WDR86: variants seen among roughly 807,000 people sequenced by gnomAD.
The protein encoded by WDR86 is WD repeat domain 86, also known as WD repeat-containing protein 86.
A neutral mutation model predicts 36.5 loss-of-function variants in WDR86; 30 were observed. The observed-to-expected ratio is 0.82, with a 90% CI of 0.61 to 1.11. The LOEUF is 1.11. Among genes scored for constraint, WDR86 ranks in the 50% most tolerant of loss-of-function variants. WDR86 has a pLI of 0.00. For missense variants in WDR86, 545 were observed against 561.2 expected, an observed-to-expected ratio of 0.97 and a Z score of 0.29; for synonymous variants, 255 against 252.9, an observed-to-expected ratio of 1.01 and a Z score of -0.08.
intron 2 of WDR86, among the ~76,000 whole-genome samples, chr7:151,397,753 T>C (rs1259647352): frequency 1.0e-5 from 1 of 98,668 alleles, no homozygotes; most frequent in Admixed American, 1.0e-4. Context: ...GAAGAGGGTG[T>C]AGCGGGAGGA....
intron 2 of WDR86, among the ~76,000 whole-genome samples, chr7:151,396,958 C>G (rs1277646489): frequency 6.6e-6 from 1 of 152,238 alleles, no homozygotes; most frequent in Non-Finnish European, 1.5e-5. Context: ...CCAAGGCCCC[C>G]ACATTGTATT....
chr7:151,391,854 C>T (rs561919273), intron 3 of WDR86, among the ~76,000 whole-genome samples: 102 of 116,350 alleles, frequency 8.8e-4, no homozygotes, highest in African/African-American at 2.7e-3. Flanking sequence ...CCCGCCCCTC[C>T]CACGCACCGT....
At chr7:151,381,019 G>A (rs1798524361), downstream of WDR86, 1 of 531,454 alleles carries the variant, frequency 1.9e-6, no homozygotes, top group Admixed American at 5.4e-5. This position sits in a 1 kb window ranked among gnomAD's most constrained non-coding sequence, Gnocchi z 4.8. Flanking sequence ...GGCCGGTTGT[G>A]AGAGGCAGAG....
At chr7:151,376,961 G>C (rs916667203), downstream of WDR86, 87 of 1,406,616 alleles carry the variant, frequency 6.2e-5, no homozygotes, top group Admixed American at 1.8e-4. Context: ...CCAGCAAGAG[G>C]CACAGTCTGA....
downstream of WDR86, among the ~76,000 whole-genome samples, chr7:151,380,761 C>A (rs1205663885): frequency 6.6e-6 from 1 of 151,934 alleles, no homozygotes; most frequent in African/African-American, 2.4e-5. Context: ...TGTGCACGAG[C>A]CCGGGGTGGG....
At chr7:151,382,773 G>A (rs559427920) in intron 4 of WDR86, among the ~76,000 whole-genome samples, 11 of 152,260 alleles carry the variant, frequency 7.2e-5, no homozygotes, top group Admixed American at 5.2e-4. Context: ...CCTGGCAGGC[G>A]TCCCAGGAAA....
At chr7:151,374,339 C>A, downstream of WDR86, 1 of 1,421,024 alleles carries the variant, frequency 7.0e-7, no homozygotes, top group Non-Finnish European at 9.6e-7. Context: ...CGGGCTCACT[C>A]CTATGGGCTG....
At chr7:151,396,858 C>T (rs1227703447) in intron 2 of WDR86, among the ~76,000 whole-genome samples, 1 of 152,238 alleles carries the variant, frequency 6.6e-6, no homozygotes, top group Non-Finnish European at 1.5e-5. Flanking sequence ...AGGTCACAGC[C>T]TCAACAGGGT....
rs745848520 is a variant in WDR86 at position 151,409,511 on chromosome 7, C to A, written c.79G>T (p.Gly27Trp). ...TCGCTGCCCGTCAGCAGGCGCTGCCCGTCGGGGCTCAGGCTCAGCCAGTTG... is the reference window on the plus strand; with the variant it reads ...TCGCTGCCCGTCAGCAGGCGCTGCCAGTCGGGGCTCAGGCTCAGCCAGTTG... ...GINWLSLSPDGQRLLTGSEDG... is the reference protein window; with the variant it reads ...GINWLSLSPDWQRLLTGSEDG... Residue 27 changes from glycine (G) to tryptophan (W), a missense_variant, in exon 1 of 6, where the codon GGG becomes TGG. Coordinates refer to ENST00000334493, the MANE Select transcript of WDR86 (RefSeq NM_198285.3). The surrounding 1 kb of genome is among the most constrained non-coding windows in gnomAD (Gnocchi z 5.2). 6.5e-7 allele frequency: 1 copy of A among 1,532,160 alleles called. No homozygotes were observed. Among genetic ancestry groups the A allele is most frequent in the Non-Finnish European group, 8.7e-7 (1 of 1,145,394 alleles). The allele number at this position is 1,532,160 out of a possible 1,614,324, so 94.9% of individuals were successfully genotyped here. A position where few individuals can be genotyped will look rare whatever the true frequency, so the allele number is the denominator to read the frequency against.
At position 151,395,756 on chromosome 7, in the gene WDR86, G is replaced by A. The variant is rs939630908; in HGVS notation, c.726+20C>T. Reference sequence around the variant, plus strand: ...ACCTGGGCTCCCCTGGCTGCTGGGCGGGGACCAGGACAGTCTCACCTCCAG... The same window carrying A: ...ACCTGGGCTCCCCTGGCTGCTGGGCAGGGACCAGGACAGTCTCACCTCCAG... On this transcript the variant is annotated intron_variant, in intron 3 of 5. Transcript: ENST00000334493. The A allele has an allele frequency of 8.5e-6, 13 of 1,532,352 alleles. No individual in the cohort carries two copies. Among genetic ancestry groups the A allele is most frequent in the Non-Finnish European group, 1.1e-5 (13 of 1,136,054 alleles). The allele number at this position is 1,532,352 out of a possible 1,614,324, so 94.9% of individuals were successfully genotyped here. A position where few individuals can be genotyped will look rare whatever the true frequency, so the allele number is the denominator to read the frequency against.
intron 4 of WDR86, among the ~76,000 whole-genome samples, chr7:151,383,544 T>A (rs1400940511): frequency 2.6e-5 from 4 of 151,952 alleles, no homozygotes; most frequent in Admixed American, 2.0e-4. Flanking sequence ...CTTGAACTAC[T>A]GAGCTCAAGA....
rs1487039700 is a variant in WDR86 at position 151,405,705 on chromosome 7, C to G, written c.163+3722G>C. 6.6e-6 allele frequency among the ~76,000 whole-genome samples: 1 copy of G among 152,196 alleles called. No individual in the cohort carries two copies. The highest frequency in any genetic ancestry group is 1.5e-5 in the Non-Finnish European group (1 of 68,038). ...CAAGCTGTGTGAGGCTGCTGTGGCT[C>G]TTGTCACCAGCGTGCCGCAGGCCTC... is the stretch of plus-strand genomic sequence containing the variant. On this transcript the variant is annotated intron_variant, in intron 1 of 5. Transcript: ENST00000334493. This position sits in a 1 kb window ranked among gnomAD's most constrained non-coding sequence, Gnocchi z 4.7.
At chr7:151,378,570 A>AGAT (rs1200021241), downstream of WDR86, 16 of 152,112 alleles carry the variant, frequency 1.1e-4, no homozygotes, top group African/African-American at 3.6e-4. Flanking sequence ...TTTTGTGAGG[A>AGAT]GATGATGGAA....
chr7:151,384,426 C>A (rs759129107), intron 4 of WDR86, among the ~76,000 whole-genome samples: 5 of 152,376 alleles, frequency 3.3e-5, no homozygotes, highest in Middle Eastern at 3.4e-3. Flanking sequence ...AGGACCAACT[C>A]AGCTAGAAGA....
downstream of WDR86, among the ~76,000 whole-genome samples, chr7:151,380,286 C>T (rs544397472): frequency 1.3e-4 from 20 of 152,214 alleles, no homozygotes; most frequent in Non-Finnish European, 1.9e-4. Context: ...CCTGTTCATC[C>T]GCGCCCGAGG....
intron 4 of WDR86, among the ~76,000 whole-genome samples, chr7:151,383,509 G>A (rs1281363626): frequency 6.6e-6 from 1 of 151,368 alleles, no homozygotes; most frequent in African/African-American, 2.4e-5. Context: ...TAGAGACAGG[G>A]TCTTGCTATG....
At chr7:151,402,070 A>AAAAATATATATATATATATATATAT in intron 1 of WDR86, among the ~76,000 whole-genome samples, 7 of 50,524 alleles carry the variant, frequency 1.4e-4, no homozygotes, top group Non-Finnish European at 1.7e-4. Context: ...AAAAAAAAAA[A>AAAAATATATATATATATATATATAT]ATATATATAT....
chr7:151,368,961 T>C, the WDR86 span: 1 of 1,441,640 alleles, frequency 6.9e-7, no homozygotes, highest in Admixed American at 2.6e-5. Context: ...GGAGTGTTAA[T>C]AACCAGGAAC....
intron 4 of WDR86, among the ~76,000 whole-genome samples, chr7:151,382,979 C>CT (rs58266298): frequency 0.027 from 3,812 of 141,122 alleles, 102 homozygotes; most frequent in Admixed American, 0.07. Context: ...GTTCCCCAGC[C>CT]TTTTTTTTTT....
Sources: allele counts gnomAD v4.1 joint callset (sites outside exome capture counted in the v4.1 genomes callset), GRCh38; gene constraint gnomAD v4.1.1; non-coding constraint Gnocchi (gnomAD v3.1); transcripts MANE v1.5; gene names NCBI Gene and HGNC (gene_info 2026-07-23, HGNC 2026-07-21).